The following LHFPL3 variants were observed in gnomAD, a reference collection of about 807,000 sequenced individuals.
LHFPL3 encodes the protein LHFPL tetraspan subfamily member 3.
Under a neutral mutation model 19.3 loss-of-function variants are expected in LHFPL3, and 5 were observed. The ratio of observed to expected loss-of-function variants is 0.26; its 90% CI spans 0.14 to 0.54. LHFPL3 has a LOEUF of 0.54. Ranked by LOEUF, LHFPL3 falls within the 20% of genes least tolerant of loss-of-function variation. LHFPL3 has a pLI of 0.94. For synonymous variants in LHFPL3, 133 were observed against 126.2 expected (o/e 1.05, Z -0.36); for missense variants, 249 against 307.4 (o/e 0.81, Z 1.42).
At chr7:104,747,980 A>G (rs1794082964) in intron 2 of LHFPL3, among the ~76,000 whole-genome samples, 1 of 152,160 alleles carries the variant, frequency 6.6e-6, no homozygotes, top group Non-Finnish European at 1.5e-5. Flanking sequence ...AGAAGTAGAC[A>G]TAGGAGACTC....
rs1212845629 is a variant in LHFPL3, at chr7:104,866,431, C to A, written c.683-39756C>A. ...AAAAGGCAGGGGTTGCAATCCTAAT[C>A]TCTGATAAAACAAACTTTAAACCAA... On this transcript the variant is annotated intron_variant, in intron 2 of 2. Coordinates refer to ENST00000424859, the MANE Select transcript of LHFPL3 (RefSeq NM_199000.3). Among the ~76,000 whole-genome samples the A allele has an allele frequency of 3.9e-5, 6 of 152,160 alleles. No individual in the cohort carries two copies. In the East Asian group the frequency reaches 1.2e-3, roughly 29 times the overall value.
chr7:104,665,166 G>A (rs767986708), intron 1 of LHFPL3, among the ~76,000 whole-genome samples: 10 of 152,138 alleles, frequency 6.6e-5, no homozygotes, highest in Non-Finnish European at 1.2e-4. Flanking sequence ...TCATTCACTC[G>A]GTGTTGGAAA....
At chr7:104,635,175 G>T (rs907888358) in intron 1 of LHFPL3, among the ~76,000 whole-genome samples, 1 of 152,006 alleles carries the variant, frequency 6.6e-6, no homozygotes, top group Admixed American at 6.6e-5. Flanking sequence ...ATATGGGGGG[G>T]AAAGGTAAGA....
At chr7:104,591,146 T>C (rs189760515) in intron 1 of LHFPL3, among the ~76,000 whole-genome samples, 15 of 152,204 alleles carry the variant, frequency 9.9e-5, no homozygotes, top group Admixed American at 5.9e-4. Flanking sequence ...GTGAATTTGA[T>C]CCTGTCATTG....
intron 1 of LHFPL3, among the ~76,000 whole-genome samples, chr7:104,691,916 A>C (rs1193930683): frequency 6.6e-6 from 1 of 152,226 alleles, no homozygotes; most frequent in Non-Finnish European, 1.5e-5. Context: ...GCTTTGAGCA[A>C]AATGCTGATA....
intron 1 of LHFPL3, among the ~76,000 whole-genome samples, chr7:104,483,709 G>T (rs531047816): frequency 3.0e-4 from 46 of 152,200 alleles, no homozygotes; most frequent in African/African-American, 1.1e-3. Context: ...TCAAACTCCT[G>T]GGCTCAAGCA....
intron 2 of LHFPL3, among the ~76,000 whole-genome samples, chr7:104,896,277 T>C (rs1362166509): frequency 6.6e-6 from 1 of 152,284 alleles, no homozygotes; most frequent in East Asian, 1.9e-4. Context: ...TGCCAGGCTT[T>C]CCTCTGGGTG....
intron 1 of LHFPL3, among the ~76,000 whole-genome samples, chr7:104,490,834 T>G (rs1348912687): frequency 6.6e-6 from 1 of 152,232 alleles, no homozygotes; most frequent in Non-Finnish European, 1.5e-5. Flanking sequence ...AATTCACTAT[T>G]CCCTCCTCTC....
At chr7:104,774,426 C>A (rs1794609104) in intron 2 of LHFPL3, among the ~76,000 whole-genome samples, 1 of 152,172 alleles carries the variant, frequency 6.6e-6, no homozygotes, top group Non-Finnish European at 1.5e-5. Flanking sequence ...TTAGATAACT[C>A]CTTCATTATC....
At chr7:104,735,458 A>T (rs2116297763) in intron 1 of LHFPL3, among the ~76,000 whole-genome samples, 2 of 152,270 alleles carry the variant, frequency 1.3e-5, no homozygotes, top group South Asian at 4.2e-4. Context: ...TTGCAGTTTG[A>T]TCTCAGACTG....
intron 1 of LHFPL3, among the ~76,000 whole-genome samples, chr7:104,560,947 GT>G (rs1217008421): frequency 6.7e-6 from 1 of 149,694 alleles, no homozygotes; most frequent in East Asian, 1.9e-4. Context: ...GTACCCAGTA[GT>G]CATTCAGGAG....
At chr7:104,742,649 C>T (rs1562979298) in intron 2 of LHFPL3, among the ~76,000 whole-genome samples, 1 of 152,170 alleles carries the variant, frequency 6.6e-6, no homozygotes, top group Non-Finnish European at 1.5e-5. Context: ...CAAAATTAAG[C>T]TTCCTGGCCT....
At chr7:104,421,009 C>T (rs1791722219) in intron 1 of LHFPL3, among the ~76,000 whole-genome samples, 2 of 152,130 alleles carry the variant, frequency 1.3e-5, no homozygotes, top group Admixed American at 6.5e-5. Context: ...GATGGGCCAA[C>T]AACTCAAGGG....
intron 2 of LHFPL3, among the ~76,000 whole-genome samples, chr7:104,771,327 G>A (rs1353424773): frequency 6.6e-6 from 1 of 152,166 alleles, no homozygotes; most frequent in East Asian, 1.9e-4. Context: ...TCAGCCCCAT[G>A]AGTTGAATAG....
At chr7:104,606,854 T>C (rs191112448) in intron 1 of LHFPL3, among the ~76,000 whole-genome samples, 1 of 152,156 alleles carries the variant, frequency 6.6e-6, no homozygotes, top group Non-Finnish European at 1.5e-5. Flanking sequence ...GTGTGGAAAA[T>C]GGTCCTCAGG....
At chr7:104,725,780 G>T (rs926218684) in intron 1 of LHFPL3, among the ~76,000 whole-genome samples, 1 of 151,982 alleles carries the variant, frequency 6.6e-6, no homozygotes, top group African/African-American at 2.4e-5. Context: ...GGCAGGGCGC[G>T]GTGGCTTACG....
intron 1 of LHFPL3, among the ~76,000 whole-genome samples, chr7:104,656,080 T>A (rs1360214112): frequency 6.6e-6 from 1 of 152,180 alleles, no homozygotes; most frequent in Non-Finnish European, 1.5e-5. Flanking sequence ...AATTGGAGCT[T>A]CTCCATCTAA....
intron 1 of LHFPL3, among the ~76,000 whole-genome samples, chr7:104,356,007 AATG>A (rs1271353273): frequency 6.6e-6 from 1 of 152,278 alleles, no homozygotes; most frequent in Admixed American, 6.5e-5. Context: ...ATTAAGAGAT[AATG>A]ATATGTAATA....
chr7:104,510,697 A>T (rs941102758), intron 1 of LHFPL3, among the ~76,000 whole-genome samples: 7 of 152,222 alleles, frequency 4.6e-5, no homozygotes, highest in African/African-American at 1.7e-4. Flanking sequence ...GAATTTCATC[A>T]AAATTTAAAA....
Sources: gnomAD v4.1 joint callset for allele counts (sites outside exome capture counted in the v4.1 genomes callset) on GRCh38, gnomAD v4.1.1 for gene constraint, MANE v1.5 for transcripts, NCBI Gene and HGNC (gene_info 2026-07-23, HGNC 2026-07-21) for gene names.